Variants in THSD7A observed in about 807,000 individuals in gnomAD.
The protein encoded by THSD7A is thrombospondin type-1 domain-containing protein 7A.
A neutral mutation model predicts 231.3 loss-of-function variants in THSD7A; 96 were observed. The observed-to-expected ratio is 0.41, with a 90% CI of 0.35 to 0.49. The LOEUF (loss-of-function observed/expected upper bound fraction) is 0.49, where lower values mean the gene tolerates loss of function less well. Among genes scored for constraint, THSD7A ranks in the 20% least tolerant of loss-of-function variants. The pLI is 0.05. For missense variants in THSD7A, 2,290 were observed against 2,070.2 expected, an observed-to-expected ratio of 1.11 and a Z score of -2.06; for synonymous variants, 940 against 743.3, an observed-to-expected ratio of 1.26 and a Z score of -4.30.
intron 6 of THSD7A, among the ~76,000 whole-genome samples, chr7:11,497,488 T>C (rs556882521): frequency 1.3e-5 from 2 of 152,304 alleles, no homozygotes; most frequent in South Asian, 4.1e-4. Context: ...CCTGAGAAAG[T>C]AGTTCAAACA....
chr7:11,544,167 C>A (rs576445124), intron 4 of THSD7A, among the ~76,000 whole-genome samples: 3 of 152,046 alleles, frequency 2.0e-5, no homozygotes, highest in African/African-American at 4.8e-5. Context: ...CATGGTGAAA[C>A]CCCGTCTCTA....
At chr7:11,803,003 T>G (rs902609340) in intron 1 of THSD7A, among the ~76,000 whole-genome samples, 8 of 152,150 alleles carry the variant, frequency 5.3e-5, no homozygotes, top group Non-Finnish European at 2.9e-5. Context: ...ATATATTAAA[T>G]AACATCTGTG....
intron 1 of THSD7A, among the ~76,000 whole-genome samples, chr7:11,774,683 T>A (rs982818361): frequency 2.6e-5 from 4 of 152,190 alleles, no homozygotes; most frequent in African/African-American, 9.7e-5. Context: ...CTCAATAAAG[T>A]TGTTAAAAAA....
At chr7:11,429,415 C>A (rs1393294915) in intron 13 of THSD7A, among the ~76,000 whole-genome samples, 1 of 152,146 alleles carries the variant, frequency 6.6e-6, no homozygotes. Flanking sequence ...TTGACAATAA[C>A]CTGTCTGCTG....
At chr7:11,765,757 A>G (rs893848654) in intron 1 of THSD7A, among the ~76,000 whole-genome samples, 1 of 152,016 alleles carries the variant, frequency 6.6e-6, no homozygotes, top group African/African-American at 2.4e-5. Context: ...CTTCTTTCCA[A>G]ACTGGTTATG....
At chr7:11,657,826 A>C (rs765365912) in intron 1 of THSD7A, among the ~76,000 whole-genome samples, 2 of 151,772 alleles carry the variant, frequency 1.3e-5, no homozygotes, top group Non-Finnish European at 2.9e-5. Context: ...CTCCTTAATA[A>C]ATTCTTGGTG....
chr7:11,502,584 T>A (rs770879141), intron 6 of THSD7A, among the ~76,000 whole-genome samples: 45 of 151,956 alleles, frequency 3.0e-4, no homozygotes, highest in Non-Finnish European at 5.7e-4. Flanking sequence ...AAATTCAACA[T>A]CCCTTCATCT....
At chr7:11,433,325 A>G (rs1165279962) in intron 13 of THSD7A, among the ~76,000 whole-genome samples, 1 of 152,030 alleles carries the variant, frequency 6.6e-6, no homozygotes, top group Non-Finnish European at 1.5e-5. Context: ...TAATTGACCT[A>G]AAATAGTATG....
chr7:11,482,533 A>C (rs1275089574), intron 6 of THSD7A, among the ~76,000 whole-genome samples: 2 of 152,202 alleles, frequency 1.3e-5, no homozygotes, highest in South Asian at 2.1e-4. Context: ...AGGAAATGTA[A>C]ATGATGGGAT....
chr7:11,673,505 C>T (rs1783492140), intron 1 of THSD7A, among the ~76,000 whole-genome samples: 1 of 152,128 alleles, frequency 6.6e-6, no homozygotes, highest in Non-Finnish European at 1.5e-5. Context: ...TTCTTGTGCC[C>T]ATCACCAAGG....
intron 1 of THSD7A, among the ~76,000 whole-genome samples, chr7:11,826,222 TCTC>T (rs1469649478): frequency 5.3e-5 from 8 of 152,320 alleles, no homozygotes; most frequent in African/African-American, 1.7e-4. Flanking sequence ...ATGTGAGTAT[TCTC>T]CTTGAGAGAA....
intron 3 of THSD7A, among the ~76,000 whole-genome samples, chr7:11,591,563 CT>C (rs1435037811): frequency 4.6e-5 from 7 of 152,096 alleles, no homozygotes; most frequent in African/African-American, 1.7e-4. Context: ...TTAAACGGCC[CT>C]CAGATGTCTA....
chr7:11,389,418 CTGCTTTTTTTTTTTTTTTT>C (rs2115324190), intron 23 of THSD7A, among the ~76,000 whole-genome samples: 1 of 91,348 alleles, frequency 1.1e-5, no homozygotes, highest in African/African-American at 4.0e-5. Flanking sequence ...ATTGCAACTC[CTGCTTTTTTTTTTTTTTTT>C]TTTTTTTTTT....
Position 11,379,516 on chromosome 7 carries a change from T to C in THSD7A, c.4590+114A>G, listed in dbSNP as rs147002012. On this transcript the variant is annotated intron_variant, in intron 25 of 27. Transcript: ENST00000423059. ...GATTGATAAAAGGAGATGTCTAAAA[T>C]GGGATTTTTATGCCTCAAGACATGC... The C allele has an allele frequency of 1.3e-4, 140 of 1,056,252 alleles. No homozygotes were observed. The African/African-American group carries it at 2.0e-3, about 15-fold the overall frequency. 65.4% of individuals were successfully genotyped at this position (1,056,252 alleles called of 1,614,324 possible).
At position 11,593,305 on chromosome 7, in the gene THSD7A, T is replaced by C; in HGVS notation, c.1220A>G (p.Glu407Gly). The change falls in exon 3 of 28, where the codon GAA (glutamate) becomes GGA (glycine). Residue 407 changes from glutamate to glycine, a missense_variant. Physicochemically the swap from Glu to Gly is moderately conservative, Grantham distance 98 (BLOSUM62 -2). Transcript: ENST00000423059. ...TTGAGACAAACAGGGTTCTTTTTCT[T>C]CAAATTCTGGACACTCCTTTTCACT... ...IGSEKECPEF[E>G]EKEPCLSQGD... 1.2e-6 allele frequency: 2 copies of C among 1,613,960 alleles called. No individual in the cohort carries two copies. The highest frequency in any genetic ancestry group is 8.5e-7 in the Non-Finnish European group (1 of 1,179,888).
chr7:11,742,260 T>A (rs1317714650), intron 1 of THSD7A, among the ~76,000 whole-genome samples: 1 of 151,910 alleles, frequency 6.6e-6, no homozygotes, highest in Non-Finnish European at 1.5e-5. Flanking sequence ...TTGTGACAAT[T>A]AGGGTGAGAG....
chr7:11,397,561 G>A (rs943820680), intron 23 of THSD7A, among the ~76,000 whole-genome samples: 4 of 152,092 alleles, frequency 2.6e-5, no homozygotes, highest in South Asian at 4.1e-4. Context: ...ATTGACAAAC[G>A]GGATCTAATT....
intron 6 of THSD7A, among the ~76,000 whole-genome samples, chr7:11,487,243 A>G (rs1235330710): frequency 1.3e-5 from 2 of 152,140 alleles, no homozygotes; most frequent in Non-Finnish European, 2.9e-5. Context: ...AGGATAAGAG[A>G]CTAAAACATC....
At chr7:11,521,481 TTTA>T (rs1305718674) in intron 6 of THSD7A, among the ~76,000 whole-genome samples, 10 of 114,706 alleles carry the variant, frequency 8.7e-5, no homozygotes, top group Admixed American at 3.3e-4. Flanking sequence ...TTTTATTTTA[TTTA>T]TTTATTTATT....
Sources: gnomAD v4.1 joint callset for allele counts (sites outside exome capture counted in the v4.1 genomes callset) on GRCh38, gnomAD v4.1.1 for gene constraint, MANE v1.5 for transcripts, NCBI Gene and HGNC (gene_info 2026-07-23, HGNC 2026-07-21) for gene names.